The following JARID2 variants were observed in gnomAD, a reference collection of about 807,000 sequenced individuals.
JARID2 encodes protein Jumonji.
A neutral mutation model predicts 125.6 loss-of-function variants in JARID2; 21 were observed. The observed-to-expected ratio is 0.17, with a 90% CI of 0.12 to 0.24. The LOEUF (loss-of-function observed/expected upper bound fraction) is 0.24, where lower values mean the gene tolerates loss of function less well. Ranked by LOEUF, JARID2 falls within the 10% of genes least tolerant of loss-of-function variation. JARID2 has a pLI of 1.00. For synonymous variants in JARID2, 736 were observed against 661.6 expected (o/e 1.11, Z -1.73); for missense variants, 1,303 against 1,639.6 (o/e 0.79, Z 3.55).
intron 3 of JARID2, among the ~76,000 whole-genome samples, chr6:15,433,219 G>A (rs778000706): frequency 3.3e-5 from 5 of 152,150 alleles, no homozygotes; most frequent in Admixed American, 6.5e-5. Context: ...AATTTTTAGG[G>A]CCAGGTAGCC....
chr6:15,350,353 A>G (rs1763381444), intron 1 of JARID2, among the ~76,000 whole-genome samples: 1 of 152,228 alleles, frequency 6.6e-6, no homozygotes, highest in South Asian at 2.1e-4. Context: ...TTTCTGATGA[A>G]GGCAGACCTC....
intron 1 of JARID2, among the ~76,000 whole-genome samples, chr6:15,291,601 A>T (rs763043462): frequency 6.6e-6 from 1 of 152,230 alleles, no homozygotes; most frequent in Non-Finnish European, 1.5e-5. Flanking sequence ...GAATCGCTGC[A>T]TTCAGGAGCA....
At chr6:15,342,780 G>T (rs938602724) in intron 1 of JARID2, among the ~76,000 whole-genome samples, 2 of 152,082 alleles carry the variant, frequency 1.3e-5, no homozygotes, top group South Asian at 2.1e-4. Context: ...TATGCATCTT[G>T]ACCTTTTCCC....
chr6:15,304,438 A>G (rs1475197436), intron 1 of JARID2, among the ~76,000 whole-genome samples: 5 of 151,578 alleles, frequency 3.3e-5, no homozygotes, highest in East Asian at 3.9e-4. Flanking sequence ...CCTCCAGGCC[A>G]CCTCTCCCAG....
At chr6:15,344,389 C>T (rs879606312) in intron 1 of JARID2, among the ~76,000 whole-genome samples, 11 of 151,722 alleles carry the variant, frequency 7.3e-5, no homozygotes, top group East Asian at 1.9e-4. Flanking sequence ...TTGTCAGACT[C>T]GGCTGATGTA....
chr6:15,248,844 A>C (rs1008883396), intron 1 of JARID2: 1 of 896,318 alleles, frequency 1.1e-6, no homozygotes, highest in Non-Finnish European at 1.3e-6. Flanking sequence ...CGGCGGGGGG[A>C]GGAGGGAGCT....
intron 1 of JARID2, among the ~76,000 whole-genome samples, chr6:15,297,729 A>G (rs1409812647): frequency 6.6e-6 from 1 of 152,034 alleles, no homozygotes; most frequent in Non-Finnish European, 1.5e-5. Context: ...TCTGTGGCAA[A>G]TCCTAGCCCC....
intron 5 of JARID2, among the ~76,000 whole-genome samples, chr6:15,474,507 C>G (rs1252461552): frequency 1.3e-5 from 2 of 149,072 alleles, no homozygotes; most frequent in East Asian, 3.9e-4. Context: ...TGTTCTTGGG[C>G]AAGGTATTTA....
chr6:15,271,811 C>G, intron 1 of JARID2, among the ~76,000 whole-genome samples: 1 of 152,220 alleles, frequency 6.6e-6, no homozygotes, highest in African/African-American at 2.4e-5. Flanking sequence ...ACAATCCTGG[C>G]CAACATGGTG....
chr6:15,495,221 C>CTAGT (rs1389947905), intron 6 of JARID2, among the ~76,000 whole-genome samples: 6 of 152,170 alleles, frequency 3.9e-5, no homozygotes, highest in African/African-American at 1.4e-4. Flanking sequence ...CTGCCATTGT[C>CTAGT]GCTCCCCATT....
chr6:15,338,249 C>T (rs753274888), intron 1 of JARID2, among the ~76,000 whole-genome samples: 7 of 152,144 alleles, frequency 4.6e-5, no homozygotes, highest in South Asian at 2.1e-4. Context: ...GAATGAGGGA[C>T]GCCTCTATTC....
chr6:15,287,167 AC>A (rs1460700287), intron 1 of JARID2, among the ~76,000 whole-genome samples: 3 of 151,746 alleles, frequency 2.0e-5, no homozygotes, highest in African/African-American at 7.3e-5. Context: ...AAACAAAAAA[AC>A]CCCTCTTGAT....
chr6:15,305,791 G>A (rs1761799579), intron 1 of JARID2, among the ~76,000 whole-genome samples: 1 of 152,158 alleles, frequency 6.6e-6, no homozygotes, highest in African/African-American at 2.4e-5. Context: ...GTGTGTGAGA[G>A]ATGTATTATG....
At chr6:15,344,201 G>A (rs1180546754) in intron 1 of JARID2, among the ~76,000 whole-genome samples, 1 of 140,902 alleles carries the variant, frequency 7.1e-6, no homozygotes, top group Non-Finnish European at 1.5e-5. Flanking sequence ...TTTTTGGAAA[G>A]TAGATGAAAG....
intron 16 of JARID2, 117 bp downstream of exon 16, chr6:15,513,539 C>G: frequency 9.7e-7 from 1 of 1,030,082 alleles, no homozygotes; most frequent in Non-Finnish European, 1.4e-6. Context: ...GTGCTCCCAT[C>G]TCTGGAGCCG....
chr6:15,473,326 C>A (rs923483202), intron 5 of JARID2, among the ~76,000 whole-genome samples: 1 of 152,188 alleles, frequency 6.6e-6, no homozygotes, highest in African/African-American at 2.4e-5. Flanking sequence ...GCAATAGGAT[C>A]TACCCACAAG....
At position 15,517,233 on chromosome 6, in the gene JARID2, T is replaced by C; in HGVS notation, c.3523T>C (p.Cys1175Arg). 1 of 1,614,010 alleles carries C rather than the reference T, an allele frequency of 6.2e-7. No homozygotes were observed. Among genetic ancestry groups the C allele is most frequent in the Non-Finnish European group, 8.5e-7 (1 of 1,179,882 alleles). Reference sequence around the variant, plus strand: ...GCGCCACGTGGAGAAACAGAAGTCCTGCCGAGGGCTGAAGTTGATGTACCG... The same window carrying C: ...GCGCCACGTGGAGAAACAGAAGTCCCGCCGAGGGCTGAAGTTGATGTACCG... ...ALRHVEKQKSCRGLKLMYRYD... is the reference protein window; with the variant it reads ...ALRHVEKQKSRRGLKLMYRYD... The change falls in exon 17 of 18, where the codon TGC (cysteine) becomes CGC (arginine). Residue 1175 changes from cysteine (C) to arginine (R), a missense_variant. Around this residue, in one of 11 missense-constraint regions of JARID2, gnomAD observed 190 missense variants for 341.4 expected, o/e 0.56. Coordinates refer to ENST00000341776, the MANE Select transcript of JARID2 (RefSeq NM_004973.4).
chr6:15,382,845 C>T (rs1018617161), intron 2 of JARID2, among the ~76,000 whole-genome samples: 1 of 152,220 alleles, frequency 6.6e-6, no homozygotes, highest in African/African-American at 2.4e-5. Context: ...CCCACTGCCC[C>T]TCTCTTTCTC....
intron 2 of JARID2, among the ~76,000 whole-genome samples, chr6:15,408,896 T>A (rs564212687): frequency 1.3e-5 from 2 of 152,224 alleles, no homozygotes; most frequent in South Asian, 4.1e-4. Flanking sequence ...CTCCCAGCAT[T>A]TTCTTTGGGG....
Sources: gnomAD v4.1 joint callset for allele counts (sites outside exome capture counted in the v4.1 genomes callset) on GRCh38, gnomAD v4.1.1 for gene constraint, gnomAD v4.1.1 regional missense constraint, MANE v1.5 for transcripts, NCBI Gene and HGNC (gene_info 2026-07-23, HGNC 2026-07-21) for gene names.